The following CHST11 variants were observed in gnomAD, a reference collection of about 807,000 sequenced individuals.
CHST11 encodes the protein C4S-1.
CHST11 carries 9 observed loss-of-function variants against 30.4 expected under a neutral mutation model. The observed-to-expected ratio is 0.30, with a 90% CI of 0.18 to 0.52. The LOEUF (loss-of-function observed/expected upper bound fraction) is 0.52, where lower values mean the gene tolerates loss of function less well. Ranked by LOEUF, CHST11 falls within the 20% of genes least tolerant of loss-of-function variation. The pLI is 0.97. For missense variants in CHST11, 348 were observed against 460.6 expected, an observed-to-expected ratio of 0.76 and a Z score of 2.24; for synonymous variants, 152 against 187.8, an observed-to-expected ratio of 0.81 and a Z score of 1.56.
intron 1 of CHST11, among the ~76,000 whole-genome samples, chr12:104,494,688 G>A (rs2037782571): frequency 6.6e-6 from 1 of 152,088 alleles, no homozygotes; most frequent in African/African-American, 2.4e-5. Flanking sequence ...ATAACTGTGG[G>A]GTGGGGTGCG....
intron 2 of CHST11, among the ~76,000 whole-genome samples, chr12:104,706,241 A>G (rs1010150780): frequency 4.6e-5 from 7 of 151,018 alleles, no homozygotes; most frequent in African/African-American, 1.5e-4. Flanking sequence ...AAAATTAGCC[A>G]GGTGTGGTAG....
intron 2 of CHST11, among the ~76,000 whole-genome samples, chr12:104,752,590 C>T (rs953168099): frequency 3.9e-5 from 6 of 152,132 alleles, no homozygotes; most frequent in African/African-American, 7.2e-5. Flanking sequence ...TGCAGTGCCG[C>T]GATCGCGGCT....
intron 2 of CHST11, among the ~76,000 whole-genome samples, chr12:104,744,882 T>TTTATTTAC (rs1555249327): frequency 8.8e-6 from 1 of 114,278 alleles, no homozygotes; most frequent in Non-Finnish European, 1.9e-5. Context: ...TATTTATTTA[T>TTTATTTAC]TTATTTTTTG....
intron 1 of CHST11, among the ~76,000 whole-genome samples, chr12:104,554,074 A>G (rs1023007583): frequency 4.6e-5 from 7 of 152,200 alleles, no homozygotes; most frequent in Admixed American, 2.6e-4. Context: ...CATCAAAGCC[A>G]TCGAGAGAGT....
intron 2 of CHST11, among the ~76,000 whole-genome samples, chr12:104,739,685 T>C (rs1361914186): frequency 6.6e-6 from 1 of 152,270 alleles, no homozygotes; most frequent in African/African-American, 2.4e-5. Flanking sequence ...TGCTTGTCCC[T>C]TAAGAGCAGC....
rs984425788 is a variant in CHST11, at chr12:104,760,358, G to A, written c.*2555G>A. The A allele has an allele frequency of 3.9e-5, 6 of 152,110 alleles. No individual in the cohort carries two copies. The highest frequency in any genetic ancestry group is 1.4e-4 in the African/African-American group (6 of 41,386). The allele number at this position is 152,110 out of a possible 1,614,324, so 9.4% of individuals were successfully genotyped here. On this transcript the variant is annotated 3_prime_UTR_variant, in exon 3 of 3. Transcript: ENST00000303694. ...TGGTTCTAATCCTGGATACTGCCAC[G>A]GACTACAATTCTATCCCTCCCAGAG... is the stretch of plus-strand genomic sequence containing the variant.
At chr12:104,707,647 G>C (rs2040047700) in intron 2 of CHST11, among the ~76,000 whole-genome samples, 1 of 152,150 alleles carries the variant, frequency 6.6e-6, no homozygotes, top group African/African-American at 2.4e-5. Flanking sequence ...AGATTCCTTT[G>C]TTTTCTATTA....
chr12:104,597,715 T>C (rs2038919969), intron 1 of CHST11, among the ~76,000 whole-genome samples: 1 of 152,200 alleles, frequency 6.6e-6, no homozygotes, highest in Non-Finnish European at 1.5e-5. Flanking sequence ...TAAAAACTTG[T>C]CGAATGAATG....
At chr12:104,481,891 G>A (rs2037626897) in intron 1 of CHST11, among the ~76,000 whole-genome samples, 1 of 143,968 alleles carries the variant, frequency 6.9e-6, no homozygotes, top group South Asian at 2.2e-4. Flanking sequence ...AGGCTGGAGT[G>A]CAATGGTATG....
At chr12:104,577,709 C>T (rs2038699271) in intron 1 of CHST11, among the ~76,000 whole-genome samples, 2 of 152,132 alleles carry the variant, frequency 1.3e-5, no homozygotes, top group East Asian at 3.8e-4. Flanking sequence ...GTGAAAAATC[C>T]AAATTTTCCT....
intron 2 of CHST11, among the ~76,000 whole-genome samples, chr12:104,614,088 T>C (rs1194163475): frequency 6.6e-6 from 1 of 152,214 alleles, no homozygotes; most frequent in African/African-American, 2.4e-5. Context: ...GATAGATGTG[T>C]TACTTAGCTT....
At chr12:104,567,468 T>A (rs2038579631) in intron 1 of CHST11, among the ~76,000 whole-genome samples, 1 of 152,184 alleles carries the variant, frequency 6.6e-6, no homozygotes, top group Non-Finnish European at 1.5e-5. Flanking sequence ...TCTCCCTGCC[T>A]CTTCCTTTAT....
chr12:104,708,011 G>A (rs2040051639), intron 2 of CHST11, among the ~76,000 whole-genome samples: 1 of 152,196 alleles, frequency 6.6e-6, no homozygotes, highest in South Asian at 2.1e-4. Flanking sequence ...TTCAACACAT[G>A]CACATACACA....
chr12:104,534,671 C>T (rs11112095), intron 1 of CHST11, among the ~76,000 whole-genome samples: 56,570 of 151,884 alleles, frequency 0.37, 10,749 homozygotes, highest in Middle Eastern at 0.55. Flanking sequence ...AATCCTGTAT[C>T]GGTGCTGCAT....
At chr12:104,514,228 C>T in intron 1 of CHST11, 2 of 881,340 alleles carry the variant, frequency 2.3e-6, no homozygotes, top group Non-Finnish European at 3.9e-6. Context: ...GACACAGCAG[C>T]CAAGTTTATT....
At chr12:104,681,138 A>T (rs1318178094) in intron 2 of CHST11, among the ~76,000 whole-genome samples, 1 of 152,224 alleles carries the variant, frequency 6.6e-6, no homozygotes, top group East Asian at 1.9e-4. Flanking sequence ...AAGGTACAAC[A>T]CTTCTCTAGT....
intron 1 of CHST11, among the ~76,000 whole-genome samples, chr12:104,597,300 TA>T (rs11452358): frequency 5.3e-5 from 8 of 151,652 alleles, no homozygotes; most frequent in African/African-American, 1.5e-4. Flanking sequence ...TTAGATTCTT[TA>T]AAAAAAAATC....
chr12:104,497,272 A>G (rs1208238054), intron 1 of CHST11, among the ~76,000 whole-genome samples: 1 of 152,204 alleles, frequency 6.6e-6, no homozygotes, highest in Non-Finnish European at 1.5e-5. Context: ...CCCTAATCCA[A>G]TCTGCCTGGT....
At chr12:104,756,441 G>A (rs1271574566) in intron 2 of CHST11, among the ~76,000 whole-genome samples, 1 of 152,052 alleles carries the variant, frequency 6.6e-6, no homozygotes, top group Non-Finnish European at 1.5e-5. Context: ...TCTCTGCCCT[G>A]GCACCTCCTA....
Sources: gnomAD v4.1 joint callset for allele counts (sites outside exome capture counted in the v4.1 genomes callset) on GRCh38, gnomAD v4.1.1 for gene constraint, MANE v1.5 for transcripts, NCBI Gene and HGNC (gene_info 2026-07-23, HGNC 2026-07-21) for gene names.